The following RABGAP1L variants were observed in gnomAD, a reference collection of about 807,000 sequenced individuals.
The protein encoded by RABGAP1L is RAB GTPase activating protein 1 like.
A neutral mutation model predicts 137.7 loss-of-function variants in RABGAP1L; 63 were observed. The observed-to-expected ratio is 0.46, with a 90% CI of 0.37 to 0.56. The LOEUF (loss-of-function observed/expected upper bound fraction) is 0.56, where lower values mean the gene tolerates loss of function less well. Among genes scored for constraint, RABGAP1L ranks in the 20% least tolerant of loss-of-function variants. The pLI, the probability that RABGAP1L is intolerant of heterozygous loss-of-function variation, is 0.00. For missense variants in RABGAP1L, 1,095 were observed against 1,244.0 expected, an observed-to-expected ratio of 0.88 and a Z score of 1.80; for synonymous variants, 431 against 433.7, an observed-to-expected ratio of 0.99 and a Z score of 0.08.
chr1:174,256,714 G>A (rs1388245485), intron 7 of RABGAP1L, among the ~76,000 whole-genome samples: 1 of 152,192 alleles, frequency 6.6e-6, no homozygotes, highest in East Asian at 1.9e-4. Flanking sequence ...CCGGGAAGTG[G>A]TGGTCGCAGT....
chr1:174,818,584 C>G (rs1690679379), intron 19 of RABGAP1L, among the ~76,000 whole-genome samples: 1 of 152,126 alleles, frequency 6.6e-6, no homozygotes, highest in African/African-American at 2.4e-5. Context: ...GAAGAGATAG[C>G]CGGTAATTGG....
intron 1 of RABGAP1L, among the ~76,000 whole-genome samples, chr1:174,174,171 G>A (rs1366571746): frequency 6.7e-6 from 1 of 148,864 alleles, no homozygotes; most frequent in East Asian, 2.0e-4. Flanking sequence ...CAACATGATA[G>A]CAATGAAGAA....
intron 15 of RABGAP1L, among the ~76,000 whole-genome samples, chr1:174,692,905 A>G (rs79812476): frequency 0.023 from 3,432 of 152,270 alleles, 121 homozygotes; most frequent in African/African-American, 0.078. Context: ...AAAAAATCTT[A>G]GGCATTAAAA....
intron 24 of RABGAP1L, among the ~76,000 whole-genome samples, chr1:174,986,745 T>G (rs1027429387): frequency 1.2e-4 from 19 of 152,246 alleles, no homozygotes; most frequent in Admixed American, 1.2e-3. Context: ...TAAGCCATTT[T>G]AAATTCTTTG....
intron 19 of RABGAP1L, chr1:174,945,511 A>G (rs533401298): frequency 5.3e-5 from 8 of 152,340 alleles, no homozygotes; most frequent in African/African-American, 1.4e-4. Context: ...CACATTGAGA[A>G]TAATCAATAC....
intron 13 of RABGAP1L, among the ~76,000 whole-genome samples, chr1:174,483,563 A>C (rs1659334297): frequency 6.6e-6 from 1 of 152,090 alleles, no homozygotes; most frequent in African/African-American, 2.4e-5. Context: ...GTTGCTTTCA[A>C]ATCTTGGCTA....
At chr1:174,216,842 T>C (rs1669364756) in intron 1 of RABGAP1L, among the ~76,000 whole-genome samples, 1 of 152,156 alleles carries the variant, frequency 6.6e-6, no homozygotes, top group Non-Finnish European at 1.5e-5. Context: ...GGGAAGCAGT[T>C]TGAATTTTAT....
intron 11 of RABGAP1L, among the ~76,000 whole-genome samples, chr1:174,343,607 A>G (rs954913247): frequency 1.3e-5 from 2 of 152,144 alleles, no homozygotes; most frequent in African/African-American, 2.4e-5. Flanking sequence ...CTCATTAAGA[A>G]CTGCTCTTTC....
chr1:174,905,657 C>T (rs547769196), intron 19 of RABGAP1L, among the ~76,000 whole-genome samples: 12 of 152,150 alleles, frequency 7.9e-5, no homozygotes, highest in East Asian at 3.9e-4. Flanking sequence ...TCGAGACCAG[C>T]GTGGCCAACG....
chr1:174,378,138 G>A (rs1172561520), intron 12 of RABGAP1L, among the ~76,000 whole-genome samples: 3 of 146,304 alleles, frequency 2.1e-5, no homozygotes, highest in Middle Eastern at 7.1e-3. Context: ...CGGCTGCATA[G>A]TATTCCATGG....
intron 13 of RABGAP1L, among the ~76,000 whole-genome samples, chr1:174,635,504 A>G (rs1384350944): frequency 1.3e-5 from 2 of 152,202 alleles, no homozygotes; most frequent in African/African-American, 2.4e-5. Flanking sequence ...ATATCACTTT[A>G]TATAATACCT....
At chr1:174,905,301 T>A (rs575991558) in intron 19 of RABGAP1L, among the ~76,000 whole-genome samples, 1 of 152,344 alleles carries the variant, frequency 6.6e-6, no homozygotes, top group South Asian at 2.1e-4. Context: ...CCTTAAGTGA[T>A]GATTTGTAAG....
chr1:174,420,322 C>G (rs1157132528), intron 13 of RABGAP1L, among the ~76,000 whole-genome samples: 1 of 151,248 alleles, frequency 6.6e-6, no homozygotes, highest in African/African-American at 2.4e-5. Flanking sequence ...GTGGCACATA[C>G]TAAAAGCATT....
chr1:174,800,108 T>G, intron 18 of RABGAP1L: 1 of 1,349,384 alleles, frequency 7.4e-7, no homozygotes, highest in African/African-American at 1.5e-5. Context: ...TTTATTTAGA[T>G]CAGTACTTGA....
chr1:174,449,315 G>A, intron 13 of RABGAP1L: 1 of 853,010 alleles, frequency 1.2e-6, no homozygotes, highest in Non-Finnish European at 1.8e-6. Context: ...GTAAAATGAA[G>A]TATGAGACTA....
At position 174,341,324 on chromosome 1, in the gene RABGAP1L, T is replaced by C. The variant is rs1379539742; in HGVS notation, c.1466-29655T>C. On this transcript the variant is annotated intron_variant, in intron 11 of 25. Transcript: ENST00000681986. ...TATGATGCATCTTTGCCATGCTTCG[T>C]GTTACAAAATGTTGCTTGAAAGATG... Among the ~76,000 whole-genome samples, 3 of 152,236 alleles carry C rather than the reference T, an allele frequency of 2.0e-5. No individual in the cohort carries two copies. In the East Asian group the frequency reaches 5.8e-4, roughly 29 times the overall value.
At chr1:174,450,689 G>A (rs1655334619) in intron 13 of RABGAP1L, among the ~76,000 whole-genome samples, 1 of 152,132 alleles carries the variant, frequency 6.6e-6, no homozygotes, top group Non-Finnish European at 1.5e-5. Flanking sequence ...ATGTAGCAAA[G>A]TAGCATTTGG....
intron 13 of RABGAP1L, among the ~76,000 whole-genome samples, chr1:174,439,848 C>G (rs1353372420): frequency 6.6e-6 from 1 of 152,172 alleles, no homozygotes; most frequent in Non-Finnish European, 1.5e-5. Context: ...ACTTGAAATG[C>G]AATGGCAAAG....
At chr1:174,232,304 T>A (rs1388341090) in intron 4 of RABGAP1L, among the ~76,000 whole-genome samples, 1 of 151,374 alleles carries the variant, frequency 6.6e-6, no homozygotes. Context: ...GGTCAGGAGT[T>A]CGAAACCAGC....
Sources: allele counts gnomAD v4.1 joint callset (sites outside exome capture counted in the v4.1 genomes callset), GRCh38; gene constraint gnomAD v4.1.1; transcripts MANE v1.5; gene names NCBI Gene and HGNC (gene_info 2026-07-23, HGNC 2026-07-21).